Variants in DSCAML1 observed in about 807,000 individuals in gnomAD.
The protein encoded by DSCAML1 is DS cell adhesion molecule like 1.
DSCAML1 carries 38 observed loss-of-function variants against 200.5 expected under a neutral mutation model. The ratio of observed to expected loss-of-function variants is 0.19; its 90% CI spans 0.15 to 0.25. The LOEUF (loss-of-function observed/expected upper bound fraction) is 0.25. Among genes scored for constraint, DSCAML1 ranks in the 10% least tolerant of loss-of-function variants. The pLI, the probability that DSCAML1 is intolerant of heterozygous loss-of-function variation, is 1.00. For synonymous variants in DSCAML1, 1,215 were observed against 1,165.0 expected (o/e 1.04, Z -0.87); for missense variants, 2,223 against 2,858.8 (o/e 0.78, Z 5.07).
Position 117,780,274 on chromosome 11 carries a change from A to AAGAC in DSCAML1, c.364+218_364+219insGTCT, listed in dbSNP as rs1192038019. 4.2e-5 allele frequency among the ~76,000 whole-genome samples: 4 copies of AAGAC among 95,928 alleles called. No individual in the cohort carries two copies. In the East Asian group the frequency reaches 1.1e-3, roughly 27 times the overall value. 62.9% of individuals were successfully genotyped at this position (95,928 alleles called of 152,430 possible). ...AAAGAAAGAAAGAAAGAAAGAAAGA[A>AAGAC]AGAAAGAAAGAAAGAAAGAAAGAAA... On this transcript the variant is annotated intron_variant, in intron 2 of 32. Transcript: ENST00000651296. This position sits in a 1 kb window ranked among gnomAD's most constrained non-coding sequence, Gnocchi z 4.8.
rs2137819968 is a variant in DSCAML1, at chr11:117,732,175, T to C, written c.511+44616A>G. ...AAGAACAGGTGAATGCTGATGAGCCTCCATGGTGCACAGGTGCTGTGCTGG... is the reference window on the plus strand; with the variant it reads ...AAGAACAGGTGAATGCTGATGAGCCCCCATGGTGCACAGGTGCTGTGCTGG... On this transcript the variant is annotated intron_variant, in intron 3 of 32. Transcript: ENST00000651296. Among the ~76,000 whole-genome samples, 2 of 152,342 alleles carry C rather than the reference T, an allele frequency of 1.3e-5. 1 individual carries two copies.
chr11:117,567,927 G>C (rs985842540), intron 3 of DSCAML1, among the ~76,000 whole-genome samples: 7 of 152,046 alleles, frequency 4.6e-5, no homozygotes, highest in African/African-American at 1.7e-4. Context: ...CCAAAAAAGA[G>C]AATTTTAGAC....
intron 3 of DSCAML1, among the ~76,000 whole-genome samples, chr11:117,578,923 A>AT (rs2050996310): frequency 6.6e-6 from 1 of 152,062 alleles, no homozygotes; most frequent in African/African-American, 2.4e-5. Flanking sequence ...CCTCCAGCCT[A>AT]TTGCTCCCCA....
intron 3 of DSCAML1, among the ~76,000 whole-genome samples, chr11:117,698,838 A>G (rs988115868): frequency 1.3e-5 from 2 of 152,168 alleles, no homozygotes. Context: ...TATTCCCAGG[A>G]GAGTTCACTG....
Position 117,469,786 on chromosome 11 carries a change from G to T in DSCAML1, c.3024+124C>A. ...TCTCTCAAATCTCACTAGGTTTAGT[G>T]ACAAAACAGACATGGGCATCATATA... On this transcript the variant is annotated intron_variant, in intron 16 of 32. Transcript: ENST00000651296. This position sits in a 1 kb window ranked among gnomAD's most constrained non-coding sequence, Gnocchi z 4.1. 1 of 849,156 alleles carries T rather than the reference G, an allele frequency of 1.2e-6. No homozygotes were observed. Among genetic ancestry groups the T allele is most frequent in the Non-Finnish European group, 1.7e-6 (1 of 591,010 alleles). The allele number at this position is 849,156 out of a possible 1,614,324, so 52.6% of individuals were successfully genotyped here.
intron 32 of DSCAML1, among the ~76,000 whole-genome samples, chr11:117,430,288 C>T (rs1268861520): frequency 6.6e-6 from 1 of 152,192 alleles, no homozygotes; most frequent in East Asian, 1.9e-4. Flanking sequence ...ATTCAAACAG[C>T]ATTGAGACCA....
At chr11:117,532,939 T>C (rs2050107730) in intron 3 of DSCAML1, among the ~76,000 whole-genome samples, 1 of 150,704 alleles carries the variant, frequency 6.6e-6, no homozygotes, top group African/African-American at 2.4e-5. Flanking sequence ...GAGACTAGCC[T>C]GGGCAATATA....
Position 117,431,569 on chromosome 11 carries a change from C to G in DSCAML1, c.5339G>C (p.Ser1780Thr). The change falls in exon 31 of 33, where the codon AGT (serine) becomes ACT (threonine). Residue 1780 changes from serine to threonine, a missense_variant. Around this residue, in one of 7 missense-constraint regions of DSCAML1, gnomAD observed 614 missense variants for 739.1 expected, o/e 0.83. Transcript: ENST00000651296. ...GSQHGVTVTE[S>T]DSYSASLSQD... is the part of the protein sequence containing the mutation. ...GGACAGGCTGGCACTGTAGCTGTCACTCTCAGTGACCGTGACACCATGCTG... is the reference window on the plus strand; with the variant it reads ...GGACAGGCTGGCACTGTAGCTGTCAGTCTCAGTGACCGTGACACCATGCTG... The G allele has an allele frequency of 6.2e-7, 1 of 1,604,896 alleles. No individual in the cohort carries two copies. The highest frequency in any genetic ancestry group is 8.5e-7 in the Non-Finnish European group (1 of 1,174,970).
chr11:117,744,619 T>C (rs2054482961), intron 3 of DSCAML1, among the ~76,000 whole-genome samples: 1 of 152,186 alleles, frequency 6.6e-6, no homozygotes, highest in African/African-American at 2.4e-5. Flanking sequence ...ACTCTCCAAC[T>C]AGCCCCAGCC....
At chr11:117,699,698 C>T (rs181324527) in intron 3 of DSCAML1, among the ~76,000 whole-genome samples, 22 of 152,362 alleles carry the variant, frequency 1.4e-4, no homozygotes, top group African/African-American at 5.1e-4. Flanking sequence ...CCCACAGTGG[C>T]TCTGAAGGCT....
At chr11:117,506,188 G>A (rs549440019) in intron 8 of DSCAML1, among the ~76,000 whole-genome samples, 4 of 152,280 alleles carry the variant, frequency 2.6e-5, no homozygotes, top group East Asian at 3.9e-4. Flanking sequence ...CATGTCCTAC[G>A]GCTGCTCATC....
At chr11:117,523,551 A>C (rs940048327) in intron 5 of DSCAML1, among the ~76,000 whole-genome samples, 3 of 152,026 alleles carry the variant, frequency 2.0e-5, no homozygotes, top group African/African-American at 7.2e-5. Context: ...CTTGACAGTG[A>C]ATTTGTGTTG....
chr11:117,600,162 G>C (rs1440801573), intron 3 of DSCAML1, among the ~76,000 whole-genome samples: 1 of 152,212 alleles, frequency 6.6e-6, no homozygotes, highest in South Asian at 2.1e-4. Flanking sequence ...CATTCCGTAG[G>C]TGTTGGCTCT....
In DSCAML1 at chr11:117,666,598, G is replaced by T. The variant is rs185338217; in HGVS notation, c.511+110193C>A. Among the ~76,000 whole-genome samples, 8 of 152,220 alleles carry T rather than the reference G, an allele frequency of 5.3e-5. No homozygotes were observed. The East Asian group carries it at 1.5e-3, about 29-fold the overall frequency. On this transcript the variant is annotated intron_variant, in intron 3 of 32. Coordinates refer to ENST00000651296, the MANE Select transcript of DSCAML1 (RefSeq NM_020693.4). Reference sequence around the variant, plus strand: ...CCTCTCTCTCCCTCACTGAGCCTGTGTCCCACCCCCAGTTCTGCAGAACAG... The same window carrying T: ...CCTCTCTCTCCCTCACTGAGCCTGTTTCCCACCCCCAGTTCTGCAGAACAG...
chr11:117,449,480 CAG>C (rs1278349581), intron 20 of DSCAML1, among the ~76,000 whole-genome samples: 1 of 152,106 alleles, frequency 6.6e-6, no homozygotes, highest in Non-Finnish European at 1.5e-5. Context: ...CACAGGAAAG[CAG>C]AGAGTATAGG....
Position 117,471,951 on chromosome 11 carries a change from C to T in DSCAML1, c.2871G>A (p.Val957=). 6.2e-7 allele frequency: 1 copy of T among 1,614,144 alleles called. No individual in the cohort carries two copies. Among genetic ancestry groups the T allele is most frequent in the African/African-American group, 1.3e-5 (1 of 75,030 alleles). ...TGAAAGAGTACATGCGGATGCTGTA[C>T]ACAGATGCCGGGTGCAAGTCCACAA... ...ANIVDLHPAS[V]YSIRMYSFNK... Residue 957 remains valine, a synonymous_variant, in exon 15 of 33, where the codon GTG becomes GTA. Transcript: ENST00000651296.
chr11:117,576,173 G>T (rs1386268102), intron 3 of DSCAML1, among the ~76,000 whole-genome samples: 1 of 152,174 alleles, frequency 6.6e-6, no homozygotes, highest in Non-Finnish European at 1.5e-5. Flanking sequence ...GACCTTCTAG[G>T]ACCAACTGAC....
At chr11:117,514,486 G>A (rs570280961) in intron 8 of DSCAML1, among the ~76,000 whole-genome samples, 3 of 151,906 alleles carry the variant, frequency 2.0e-5, no homozygotes, top group Non-Finnish European at 4.4e-5. Flanking sequence ...GGCCATTCTC[G>A]GTTGGAGCCC....
chr11:117,682,873 A>G (rs61903822), intron 3 of DSCAML1, among the ~76,000 whole-genome samples: 3,079 of 152,252 alleles, frequency 0.02, 41 homozygotes, highest in Middle Eastern at 0.044. Flanking sequence ...CTCCCATTCT[A>G]CTGATGAGGA....
Sources: gnomAD v4.1 joint callset for allele counts (sites outside exome capture counted in the v4.1 genomes callset) on GRCh38, gnomAD v4.1.1 for gene constraint, gnomAD v4.1.1 regional missense constraint, Gnocchi (gnomAD v3.1) non-coding constraint, MANE v1.5 for transcripts, NCBI Gene and HGNC (gene_info 2026-07-23, HGNC 2026-07-21) for gene names.